The following FER1L5 variants were observed in gnomAD, a reference collection of about 807,000 sequenced individuals.
FER1L5 encodes fer-1 like family member 5.
A neutral mutation model predicts 279.9 loss-of-function variants in FER1L5; 187 were observed. The observed-to-expected ratio is 0.67, with a 90% CI of 0.59 to 0.75. The LOEUF (loss-of-function observed/expected upper bound fraction) is 0.75. Among genes scored for constraint, FER1L5 ranks in the 30% least tolerant of loss-of-function variants. The pLI is 0.00. For missense variants in FER1L5, 2,091 were observed against 2,594.4 expected (o/e 0.81, Z 4.21); for synonymous variants, 921 against 989.7 (o/e 0.93, Z 1.30).
rs1437367577 is a variant in FER1L5, at chr2:96,695,839, T to C, written c.3992T>C (p.Ile1331Thr). Reference protein sequence around the residue: ...GQQTVTGQANIDFLQPYFCDP... With the variant: ...GQQTVTGQANTDFLQPYFCDP... Reference sequence around the variant, plus strand: ...CAGACCGTGACGGGCCAGGCCAACATCGACTTCCTCCAGCCCTACTTCTGT... The same window carrying C: ...CAGACCGTGACGGGCCAGGCCAACACCGACTTCCTCCAGCCCTACTTCTGT... Residue 1331 changes from isoleucine to threonine, a missense_variant, in exon 36 of 53, where the codon ATC becomes ACC. By Grantham distance (89) the Ile-to-Thr change is moderately conservative (BLOSUM62 -1). Transcript: ENST00000624922. 6.2e-7 allele frequency: 1 copy of C among 1,613,518 alleles called. No homozygotes were observed. Among genetic ancestry groups the C allele is most frequent in the Non-Finnish European group, 8.5e-7 (1 of 1,179,750 alleles).
At chr2:96,651,822 C>T (rs1193997806) in intron 6 of FER1L5, 70 bp from the exon 7 acceptor site, 1 of 1,543,842 alleles carries the variant, frequency 6.5e-7, no homozygotes, top group African/African-American at 1.4e-5. Context: ...AGAATGTTTT[C>T]TTATCAGAAC....
intron 32 of FER1L5, 52 bp from the exon 33 acceptor site, chr2:96,693,859 A>T: frequency 6.6e-7 from 1 of 1,505,308 alleles, no homozygotes; most frequent in East Asian, 2.5e-5. Context: ...GCCCAGACAG[A>T]GCTGGGCCCT....
rs1319699586 is a variant in FER1L5, at chr2:96,695,443, T to C, written c.3742-66T>C. 5 of 1,497,886 alleles carry C rather than the reference T, an allele frequency of 3.3e-6. No individual in the cohort carries two copies. In the Admixed American group the frequency reaches 8.0e-5, roughly 24 times the overall value. The allele number at this position is 1,497,886 out of a possible 1,614,324, so 92.8% of individuals were successfully genotyped here. A position where few individuals can be genotyped will look rare whatever the true frequency, so the allele number is the denominator to read the frequency against. On this transcript the variant is annotated intron_variant, in intron 34 of 52. Transcript: ENST00000624922. Reference sequence around the variant, plus strand: ...GCTATTGCCCCTCAGCCCCCTTCTCTGGCCAGGACCCCATTACAGAGGCGC... The same window carrying C: ...GCTATTGCCCCTCAGCCCCCTTCTCCGGCCAGGACCCCATTACAGAGGCGC...
Position 96,702,766 on chromosome 2 carries a change from C to A in FER1L5, c.5397+25C>A. ...GGTAACAGGCCTGGGGCGTGAGGGGCAACAGGCCACAACAAACAGACCCAG... is the reference window on the plus strand; with the variant it reads ...GGTAACAGGCCTGGGGCGTGAGGGGAAACAGGCCACAACAAACAGACCCAG... On this transcript the variant is annotated intron_variant, in intron 48 of 52. Transcript: ENST00000624922. This position sits in a 1 kb window ranked among gnomAD's most constrained non-coding sequence, Gnocchi z 4.0. 1.2e-6 allele frequency: 2 copies of A among 1,609,624 alleles called. No individual in the cohort carries two copies. The highest frequency in any genetic ancestry group is 1.7e-6 in the Non-Finnish European group (2 of 1,178,346).
intron 14 of FER1L5, among the ~76,000 whole-genome samples, chr2:96,665,921 C>A (rs1214113996): frequency 6.6e-6 from 1 of 152,092 alleles, no homozygotes; most frequent in African/African-American, 2.4e-5. Context: ...ACCAATGGCA[C>A]AGGCCAGGCC....
intron 9 of FER1L5, among the ~76,000 whole-genome samples, chr2:96,656,710 C>T (rs1191073694): frequency 6.6e-6 from 1 of 151,594 alleles, no homozygotes; most frequent in Non-Finnish European, 1.5e-5. Context: ...TTTTAGTTTC[C>T]TTTTATTCTG....
intron 7 of FER1L5, 60 bp downstream of exon 7, chr2:96,652,080 G>A (rs1157102885): frequency 3.2e-6 from 5 of 1,548,534 alleles, no homozygotes; most frequent in Non-Finnish European, 4.4e-6. Context: ...TCCCCGGTGG[G>A]CAGCCGGCAA....
At chr2:96,662,956 C>G (rs2076006354) in intron 13 of FER1L5, among the ~76,000 whole-genome samples, 1 of 152,222 alleles carries the variant, frequency 6.6e-6, no homozygotes, top group African/African-American at 2.4e-5. Context: ...AATTTTGATA[C>G]TTCTGTGTTC....
At chr2:96,696,016 C>G (rs368131284) in intron 36 of FER1L5, 36 bp from the exon 37 acceptor site, 159 of 1,613,422 alleles carry the variant, frequency 9.9e-5, no homozygotes, top group Admixed American at 1.7e-4. Context: ...GCCCTCTCCC[C>G]ATCCTGAGAC....
rs2077289310 is a variant in FER1L5 at position 96,694,543 on chromosome 2, CT to C, written c.3741+80del. The C allele has an allele frequency of 1.7e-6, 2 of 1,152,672 alleles. No homozygotes were observed. Among genetic ancestry groups the C allele is most frequent in the East Asian group, 5.6e-5 (2 of 35,700 alleles). 71.4% of individuals were successfully genotyped at this position (1,152,672 alleles called of 1,614,324 possible). A position where few individuals can be genotyped will look rare whatever the true frequency, so the allele number is the denominator to read the frequency against. ...AGTGCGCTGCAGCCTTCTGCTGGTCCTCCCTGACTACTGGATCCAAAGCTCA... is the reference window on the plus strand; with the variant it reads ...AGTGCGCTGCAGCCTTCTGCTGGTCCCCCTGACTACTGGATCCAAAGCTCA... On this transcript the variant is annotated intron_variant, in intron 34 of 52. Transcript: ENST00000624922. The surrounding 1 kb of genome is among the most constrained non-coding windows in gnomAD (Gnocchi z 4.6).
intron 7 of FER1L5, 186 bp from the exon 8 acceptor site, chr2:96,653,454 T>G (rs1227865213): frequency 1.7e-6 from 1 of 595,608 alleles, no homozygotes; most frequent in Non-Finnish European, 3.0e-6. Context: ...TCAGAAAGTT[T>G]CAGATTTTGG....
At position 96,691,451 on chromosome 2, in the gene FER1L5, G is replaced by C; in HGVS notation, c.2914G>C (p.Ala972Pro). 6.5e-7 allele frequency: 1 copy of C among 1,541,026 alleles called. No homozygotes were observed. The highest frequency in any genetic ancestry group is 8.8e-7 in the Non-Finnish European group (1 of 1,141,394). ...ETLSFLQLGL[A>P]KGEEEGWEYD... ...GCTCTCCTCCCCACCACAGGGCCTG[G>C]CCAAGGGCGAGGAGGAGGGCTGGGA... The change falls in exon 29 of 53, where the codon GCC becomes CCC. Residue 972 changes from alanine to proline, a missense_variant. Transcript: ENST00000624922. This position sits in a 1 kb window ranked among gnomAD's most constrained non-coding sequence, Gnocchi z 6.0.
rs1573782589 is a variant in FER1L5 at position 96,651,805 on chromosome 2, C to T, written c.505-87C>T. The T allele has an allele frequency of 3.3e-6, 5 of 1,528,118 alleles. No individual in the cohort carries two copies. In the East Asian group the frequency reaches 1.2e-4, roughly 38 times the overall value. The allele number at this position is 1,528,118 out of a possible 1,614,324, so 94.7% of individuals were successfully genotyped here. Reference sequence around the variant, plus strand: ...TACAGGCATGAGCCACTCATTGCACCTGGCCTAGAATGTTTTCTTATCAGA... The same window carrying T: ...TACAGGCATGAGCCACTCATTGCACTTGGCCTAGAATGTTTTCTTATCAGA... On this transcript the variant is annotated intron_variant, in intron 6 of 52. Transcript: ENST00000624922.
chr2:96,695,946 G>A (rs374622476), intron 36 of FER1L5, 42 bp downstream of exon 36: 101 of 1,608,856 alleles, frequency 6.3e-5, no homozygotes, highest in South Asian at 4.4e-4. Flanking sequence ...CCTCACAAGC[G>A]AGCCTGCACT....
In FER1L5 at chr2:96,661,592, TGGA is replaced by T. The variant is rs1013872522; in HGVS notation, c.895-74_895-72del. The stretch of plus-strand genomic sequence containing the variant: ...ATCCCCCCTGCACCAAGTGGGAAGT[TGGA>T]GAAGCAAAGTCTGGTGTCCTTGCCT... On this transcript the variant is annotated intron_variant, in intron 11 of 52. Coordinates refer to ENST00000624922, the MANE Select transcript of FER1L5 (RefSeq NM_001293083.2). The T allele has an allele frequency of 1.5e-5, 23 of 1,543,234 alleles. No homozygotes were observed. In the Admixed American group the frequency reaches 3.0e-4, roughly 20 times the overall value.
chr2:96,689,832 G>C lies in FER1L5; in HGVS notation c.2640+74G>C. 5 of 1,308,164 alleles carry C rather than the reference G, an allele frequency of 3.8e-6. No individual in the cohort carries two copies. Among genetic ancestry groups the C allele is most frequent in the Non-Finnish European group, 5.2e-6 (5 of 958,964 alleles). 81.0% of individuals were successfully genotyped at this position (1,308,164 alleles called of 1,614,324 possible). ...AGGCGGGGCGCCTTGGAAGCTGGGG[G>C]TCCCAGTGGAAAGGGTCTGAGCCCT... On this transcript the variant is annotated intron_variant, in intron 26 of 52. Transcript: ENST00000624922. This position sits in a 1 kb window ranked among gnomAD's most constrained non-coding sequence, Gnocchi z 4.6.
rs2074945219 is a variant in FER1L5 at position 96,642,905 on chromosome 2, G to T, written c.69G>T (p.Met23Ile). The T allele has an allele frequency of 2.6e-6, 4 of 1,550,908 alleles. No individual in the cohort carries two copies. Among genetic ancestry groups the T allele is most frequent in the African/African-American group, 1.4e-5 (1 of 73,016 alleles). The change falls in exon 1 of 53, where the codon ATG becomes ATT. Residue 23 changes from methionine to isoleucine, a missense_variant. By Grantham distance (10) the Met-to-Ile change is conservative. Coordinates refer to ENST00000624922, the MANE Select transcript of FER1L5 (RefSeq NM_001293083.2). ...TAGCCCCACTACCCAGGCCCTGCAT[G>T]TCCATCGACTTCAGAGGTGAGAGCC... Reference protein sequence around the residue: ...PPLAPLPRPCMSIDFRDIKKR... With the variant: ...PPLAPLPRPCISIDFRDIKKR...
In FER1L5 at chr2:96,670,246, A is replaced by G; in HGVS notation, c.1490A>G (p.Glu497Gly). 6.4e-7 allele frequency: 1 copy of G among 1,551,444 alleles called. No individual in the cohort carries two copies. The highest frequency in any genetic ancestry group is 8.7e-7 in the Non-Finnish European group (1 of 1,146,826). The change falls in exon 18 of 53, where the codon GAG becomes GGG. Residue 497 changes from glutamate to glycine, a missense_variant and splice_region_variant. Physicochemically the swap from Glu to Gly is moderately conservative, Grantham distance 98. Coordinates refer to ENST00000624922, the MANE Select transcript of FER1L5 (RefSeq NM_001293083.2). ...KDLSHEVTRI[E>G]KHQNRQKYGL... ...CTCTCCCATGAAGTGACCAGGATAGAGGTAACTGCGGGAAACAGGTAACCC... is the reference window on the plus strand; with the variant it reads ...CTCTCCCATGAAGTGACCAGGATAGGGGTAACTGCGGGAAACAGGTAACCC...
intron 1 of FER1L5, among the ~76,000 whole-genome samples, 185 bp from the exon 2 acceptor site, chr2:96,646,216 T>C (rs1051753732): frequency 1.3e-5 from 2 of 152,128 alleles, no homozygotes; most frequent in Non-Finnish European, 2.9e-5. Context: ...GCCAGGATGG[T>C]CCTGATCTCC....
Sources: allele counts gnomAD v4.1 joint callset (sites outside exome capture counted in the v4.1 genomes callset), GRCh38; gene constraint gnomAD v4.1.1; non-coding constraint Gnocchi (gnomAD v3.1); transcripts MANE v1.5; gene names NCBI Gene and HGNC (gene_info 2026-07-23, HGNC 2026-07-21).